NXF3: variants seen among roughly 807,000 people sequenced by gnomAD.
The protein encoded by NXF3 is nuclear RNA export factor 3.
NXF3 carries 34 observed loss-of-function variants against 48.4 expected under a neutral mutation model. That is an observed-to-expected ratio of 0.70 (90% CI 0.53 to 0.93). NXF3 has a LOEUF of 0.93. Ranked by LOEUF, NXF3 falls within the 40% of genes least tolerant of loss-of-function variation. The pLI, the probability that NXF3 is intolerant of heterozygous loss-of-function variation, is 0.00. For synonymous variants in NXF3, 132 were observed against 145.7 expected, an observed-to-expected ratio of 0.91 and a Z score of 0.68; for missense variants, 359 against 406.1, an observed-to-expected ratio of 0.88 and a Z score of 1.00.
At chrX:103,092,879 C>G (rs1049795078) in intron 1 of NXF3, 117 bp downstream of exon 1, 1 of 752,194 alleles carries the variant, frequency 1.3e-6, no homozygotes, top group Non-Finnish European at 2.0e-6. Flanking sequence ...CACTGCCCAC[C>G]CCCATCTAAA....
chrX:103,084,303 T>G, intron 3 of NXF3, 39 bp downstream of exon 3: 1 of 1,202,640 alleles, frequency 8.3e-7, no homozygotes, highest in East Asian at 3.0e-5. Context: ...CCCCCTGTTC[T>G]CCTTCTGAAC....
intron 1 of NXF3, chrX:103,087,294 C>T (rs1922179484): frequency 1.7e-6 from 2 of 1,191,212 alleles, no homozygotes; most frequent in East Asian, 3.0e-5. Flanking sequence ...ATATTTGCTT[C>T]AAGCACTTTG....
intron 16 of NXF3, 39 bp downstream of exon 16, chrX:103,079,182 G>C: frequency 1.7e-6 from 2 of 1,181,184 alleles, no homozygotes; most frequent in Non-Finnish European, 2.3e-6. Flanking sequence ...GGGGAGGGAG[G>C]AGTGGGGGAT....
chrX:103,088,389 T>C (rs899600703), intron 1 of NXF3: 2 of 526,169 alleles, frequency 3.8e-6, no homozygotes, highest in East Asian at 3.7e-5. Context: ...CAATTGGCAA[T>C]AAAAAAAAAC....
chrX:103,088,428 C>A, intron 1 of NXF3: 1 of 681,641 alleles, frequency 1.5e-6, no homozygotes, highest in Non-Finnish European at 2.3e-6. Flanking sequence ...TTGGCAAAAG[C>A]AGTTCCAGAA....
chrX:103,091,611 C>G (rs1922276495), intron 1 of NXF3, among the ~76,000 whole-genome samples: 1 of 109,808 alleles, frequency 9.1e-6, no homozygotes, highest in Non-Finnish European at 1.9e-5. Context: ...CCCATGGATA[C>G]CAAGGGACAA....
In NXF3 at chrX:103,084,445, T is replaced by C; in HGVS notation, c.248A>G (p.Gln83Arg). 8.3e-7 allele frequency: 1 copy of C among 1,211,702 alleles called. No homozygotes were observed. Among genetic ancestry groups the C allele is most frequent in the East Asian group, 3.0e-5 (1 of 33,843 alleles). ...CTCCATGTTAACGTGGGTTTGGTCTTGTTTACGAAAACTGCCTTTCCGATT... is the reference window on the plus strand; with the variant it reads ...CTCCATGTTAACGTGGGTTTGGTCTCGTTTACGAAAACTGCCTTTCCGATT... The part of the protein sequence containing the change: ...PYNRKGSFRK[Q>R]DQTHVNMERE... The change falls in exon 3 of 20, where the codon CAA becomes CGA. Residue 83 changes from glutamine (Q) to arginine (R), a missense_variant. By Grantham distance (43) the Gln-to-Arg change is conservative. Transcript: ENST00000395065.
rs776668977 is a variant in NXF3, at chrX:103,084,414, C to T, written c.279G>A (p.Glu93=). ...QDQTHVNMER[E]QKPPERRMEG... ...CCATTCTTCTCTCTGGAGGTTTTTG[C>T]TCTCTCTCCATGTTAACGTGGGTTT... Residue 93 remains glutamate (E), a synonymous_variant, in exon 3 of 20, where the codon GAG becomes GAA. Coordinates refer to ENST00000395065, the MANE Select transcript of NXF3 (RefSeq NM_022052.2). 2.5e-6 allele frequency: 3 copies of T among 1,209,702 alleles called. No homozygotes were observed. The highest frequency in any genetic ancestry group is 2.3e-4 in the Middle Eastern group (1 of 4,374).
intron 19 of NXF3, 34 bp downstream of exon 19, chrX:103,076,207 C>A: frequency 9.2e-7 from 1 of 1,083,520 alleles, no homozygotes; most frequent in Non-Finnish European, 1.3e-6. Context: ...GCCACCCAAC[C>A]TCTGCTCACT....
chrX:103,077,586 C>T, intron 18 of NXF3, 28 bp downstream of exon 18: 15 of 1,205,534 alleles, frequency 1.2e-5, no homozygotes, highest in Non-Finnish European at 1.7e-5. Flanking sequence ...GTAGTTCATC[C>T]CCCAGACTGG....
chrX:103,089,267 T>C, intron 1 of NXF3: 1 of 500,877 alleles, frequency 2.0e-6, no homozygotes, highest in Admixed American at 2.8e-5. Context: ...TTGCCTTGGA[T>C]TCGGTTATGT....
At chrX:103,081,358 G>A (rs80157325) in intron 9 of NXF3, 1 of 112,436 alleles carries the variant, frequency 8.9e-6, no homozygotes, top group South Asian at 3.7e-4. Context: ...CCCGGGAGAA[G>A]TGAAGGGTCA....
At chrX:103,087,621 C>A (rs1184170595) in intron 1 of NXF3, 2 of 976,628 alleles carry the variant, frequency 2.0e-6, no homozygotes, top group Non-Finnish European at 1.5e-6. Flanking sequence ...GCATTACACC[C>A]GTGCTCTAAG....
In NXF3 at chrX:103,082,784, G is replaced by T. The variant is rs146732324; in HGVS notation, c.756C>A (p.Asp252Glu). ...CTGTAGGTATGTTCTCTTCATGGAC[G>T]TCCAGGGAGGCAGCCATGCACTTTC... Reference protein sequence around the residue: ...NPRKCMAASLDVHEENIPTVM... With the variant: ...NPRKCMAASLEVHEENIPTVM... The change falls in exon 8 of 20, where the codon GAC becomes GAA. Residue 252 changes from aspartate (D) to glutamate (E), a missense_variant. By Grantham distance (45) the Asp-to-Glu change is conservative. Transcript: ENST00000395065. The T allele has an allele frequency of 8.3e-7, 1 of 1,208,089 alleles. No individual in the cohort carries two copies. Among genetic ancestry groups the T allele is most frequent in the South Asian group, 1.8e-5 (1 of 56,850 alleles).
At chrX:103,085,820 G>A (rs193229972) in intron 1 of NXF3, among the ~76,000 whole-genome samples, 3,489 of 103,982 alleles carry the variant, frequency 0.034, 76 homozygotes, top group Non-Finnish European at 0.053. Context: ...GGAGAGTGGC[G>A]TGAGCCCAGG....
In NXF3 at chrX:103,083,433, C is replaced by T; in HGVS notation, c.505G>A (p.Val169Ile). 8.3e-7 allele frequency: 1 copy of T among 1,209,886 alleles called. No homozygotes were observed. Among genetic ancestry groups the T allele is most frequent in the African/African-American group, 1.7e-5 (1 of 57,798 alleles). The change falls in exon 5 of 20, where the codon GTC becomes ATC. Residue 169 changes from valine (V) to isoleucine (I), a missense_variant. Physicochemically the swap from Val to Ile is conservative, Grantham distance 29. Coordinates refer to ENST00000395065, the MANE Select transcript of NXF3 (RefSeq NM_022052.2). ...NASIAYALKN[V>I]SGKIWDEDNE... ...TCCTCATCCCAAATCTTGCCACTGA[C>T]ATTCTTCAGTGCATAGGCGATGCTG...
At chrX:103,079,695 C>T (rs1921961069) in intron 13 of NXF3, 53 bp from the exon 14 acceptor site, 1 of 1,187,140 alleles carries the variant, frequency 8.4e-7, no homozygotes, top group Non-Finnish European at 1.1e-6. Flanking sequence ...CAGGCATCTC[C>T]AGGAGCTGGT....
intron 3 of NXF3, 89 bp downstream of exon 3, chrX:103,084,253 T>C: frequency 9.5e-7 from 1 of 1,056,161 alleles, no homozygotes; most frequent in Admixed American, 2.3e-5. Flanking sequence ...TTTCCTGCCC[T>C]TACAAAAGTA....
chrX:103,081,698 A>AAAT (rs1922015530), intron 9 of NXF3: 1 of 113,692 alleles, frequency 8.8e-6, no homozygotes, highest in Non-Finnish European at 1.9e-5. Flanking sequence ...AGGAGGGCCC[A>AAAT]GCTCCTAGCA....
Sources: gnomAD v4.1 joint callset for allele counts (sites outside exome capture counted in the v4.1 genomes callset) on GRCh38, gnomAD v4.1.1 for gene constraint, MANE v1.5 for transcripts, NCBI Gene and HGNC (gene_info 2026-07-23, HGNC 2026-07-21) for gene names.